The following MAGI2 variants were observed in gnomAD, a reference collection of about 807,000 sequenced individuals.
The protein encoded by MAGI2 is membrane-associated guanylate kinase, WW and PDZ domain-containing protein 2.
A neutral mutation model predicts 133.3 loss-of-function variants in MAGI2; 35 were observed. The ratio of observed to expected loss-of-function variants is 0.26; its 90% CI spans 0.20 to 0.35. MAGI2 has a LOEUF of 0.35. Ranked by LOEUF, MAGI2 falls within the 10% of genes least tolerant of loss-of-function variation. The probability of loss-of-function intolerance (pLI) is 1.00; values close to 1 mark genes in which losing one functional copy is unlikely to be tolerated. For synonymous variants in MAGI2, 729 were observed against 710.6 expected, an observed-to-expected ratio of 1.03 and a Z score of -0.41; for missense variants, 1,636 against 1,863.4, an observed-to-expected ratio of 0.88 and a Z score of 2.25.
chr7:78,994,817 A>T (rs1447085788), intron 2 of MAGI2, among the ~76,000 whole-genome samples: 1 of 152,128 alleles, frequency 6.6e-6, no homozygotes, highest in East Asian at 1.9e-4. Flanking sequence ...GATGTTTGTT[A>T]AATGCTGGTT....
chr7:78,706,649 G>A (rs533486368), intron 2 of MAGI2, among the ~76,000 whole-genome samples: 28 of 151,920 alleles, frequency 1.8e-4, no homozygotes, highest in Non-Finnish European at 3.4e-4. Context: ...AAAACAATTA[G>A]CCAACAGTGT....
At chr7:78,299,551 A>G (rs2151069189) in intron 9 of MAGI2, among the ~76,000 whole-genome samples, 1 of 152,324 alleles carries the variant, frequency 6.6e-6, no homozygotes, top group East Asian at 1.9e-4. Flanking sequence ...GGAATATGCC[A>G]GTGGGTGTGT....
chr7:79,221,908 A>C (rs1160246280), intron 1 of MAGI2, among the ~76,000 whole-genome samples: 2 of 152,036 alleles, frequency 1.3e-5, no homozygotes, highest in Non-Finnish European at 2.9e-5. Context: ...GTTCCACAGC[A>C]AGCACATTTT....
intron 1 of MAGI2, among the ~76,000 whole-genome samples, chr7:79,380,135 G>A (rs988950997): frequency 1.3e-5 from 2 of 151,720 alleles, no homozygotes; most frequent in South Asian, 2.1e-4. Context: ...ACAAAAGCCA[G>A]AATTGACAAA....
intron 1 of MAGI2, among the ~76,000 whole-genome samples, chr7:79,286,770 C>T (rs948619301): frequency 1.3e-5 from 2 of 152,010 alleles, no homozygotes; most frequent in Non-Finnish European, 2.9e-5. Flanking sequence ...CAGAAATCCC[C>T]ATCCCAATTG....
intron 9 of MAGI2, among the ~76,000 whole-genome samples, chr7:78,271,603 A>G (rs985748503): frequency 3.3e-5 from 5 of 152,112 alleles, no homozygotes; most frequent in African/African-American, 1.2e-4. Context: ...TTTGGTTGGT[A>G]GGCTATTAAT....
intron 1 of MAGI2, among the ~76,000 whole-genome samples, chr7:79,063,356 T>C (rs1813963346): frequency 6.6e-6 from 1 of 152,158 alleles, no homozygotes; most frequent in African/African-American, 2.4e-5. Flanking sequence ...CAAAGCTGCA[T>C]AGCTTCTTCT....
intron 2 of MAGI2, among the ~76,000 whole-genome samples, chr7:78,723,072 T>C (rs1243810193): frequency 6.6e-6 from 1 of 152,156 alleles, no homozygotes; most frequent in Non-Finnish European, 1.5e-5. Context: ...CCTTAAGATA[T>C]TAAGTTGTCT....
rs868252795 is a variant in MAGI2, at chr7:78,018,842, C to A, written c.*473G>T. On this transcript the variant is annotated 3_prime_UTR_variant, in exon 22 of 22. Transcript: ENST00000354212. Reference sequence around the variant, plus strand: ...TATGTCGAGAACAATTTATTTACAACGCTTTAGATCAATTAAAAGATATAA... The same window carrying A: ...TATGTCGAGAACAATTTATTTACAAAGCTTTAGATCAATTAAAAGATATAA... 1 of 267,028 alleles carries A rather than the reference C, an allele frequency of 3.7e-6. No homozygotes were observed. Among genetic ancestry groups the A allele is most frequent in the African/African-American group, 2.2e-5 (1 of 45,230 alleles). 16.5% of individuals were successfully genotyped at this position (267,028 alleles called of 1,614,324 possible).
intron 3 of MAGI2, chr7:78,616,353 A>G (rs530967789): frequency 6.6e-6 from 1 of 152,184 alleles, no homozygotes; most frequent in South Asian, 2.1e-4. Context: ...TTGGGAGAAA[A>G]AGAGAACATG....
At chr7:78,522,670 G>A (rs1348962540) in intron 3 of MAGI2, among the ~76,000 whole-genome samples, 2 of 152,178 alleles carry the variant, frequency 1.3e-5, no homozygotes, top group African/African-American at 2.4e-5. Flanking sequence ...ATGAGCCACT[G>A]CATGCGGCTG....
chr7:78,237,641 A>G (rs73150235), intron 10 of MAGI2, among the ~76,000 whole-genome samples: 44,399 of 152,044 alleles, frequency 0.29, 7,554 homozygotes, highest in Non-Finnish European at 0.37. Context: ...TAGGAATATT[A>G]GTTCTTTTTA....
intron 1 of MAGI2, among the ~76,000 whole-genome samples, chr7:79,100,441 A>G (rs1043874266): frequency 1.3e-5 from 2 of 151,814 alleles, no homozygotes; most frequent in South Asian, 2.1e-4. Flanking sequence ...CATTGTTTCC[A>G]TTCATATTTT....
intron 3 of MAGI2, among the ~76,000 whole-genome samples, chr7:78,553,419 T>G (rs1799530449): frequency 6.6e-6 from 1 of 152,130 alleles, no homozygotes; most frequent in African/African-American, 2.4e-5. Context: ...AACAAGAAAA[T>G]AGTAAGGTAA....
chr7:78,460,252 C>T (rs992234840), intron 6 of MAGI2, among the ~76,000 whole-genome samples: 6 of 152,156 alleles, frequency 3.9e-5, no homozygotes, highest in African/African-American at 1.2e-4. Context: ...ACTGAGTGCG[C>T]GAATCAATGT....
At chr7:78,967,334 AC>A (rs762819062) in intron 2 of MAGI2, among the ~76,000 whole-genome samples, 14 of 152,028 alleles carry the variant, frequency 9.2e-5, no homozygotes, top group Non-Finnish European at 8.8e-5. Flanking sequence ...GGAGTTCTTT[AC>A]ATACTTTCAA....
At chr7:78,056,102 C>A (rs1251765459) in intron 21 of MAGI2, among the ~76,000 whole-genome samples, 2 of 152,158 alleles carry the variant, frequency 1.3e-5, no homozygotes, top group Non-Finnish European at 2.9e-5. Context: ...CCCCTGGCAA[C>A]CACGTTCTAT....
chr7:78,498,542 A>G (rs1794334659), intron 5 of MAGI2, among the ~76,000 whole-genome samples: 3 of 152,216 alleles, frequency 2.0e-5, no homozygotes, highest in South Asian at 2.1e-4. Flanking sequence ...GGAGAAAATC[A>G]GTGAATACTA....
At chr7:78,096,768 TGAA>T (rs1356190967) in intron 20 of MAGI2, among the ~76,000 whole-genome samples, 1 of 152,128 alleles carries the variant, frequency 6.6e-6, no homozygotes, top group African/African-American at 2.4e-5. Context: ...GTCCAAAATG[TGAA>T]CTATTTGTCC....
Sources: gnomAD v4.1 joint callset for allele counts (sites outside exome capture counted in the v4.1 genomes callset) on GRCh38, gnomAD v4.1.1 for gene constraint, MANE v1.5 for transcripts, NCBI Gene and HGNC (gene_info 2026-07-23, HGNC 2026-07-21) for gene names.